The following PLXNA4 variants were observed in gnomAD, a reference collection of about 807,000 sequenced individuals.
PLXNA4 encodes plexin-A4.
PLXNA4 carries 44 observed loss-of-function variants against 191.8 expected under a neutral mutation model. The ratio of observed to expected loss-of-function variants is 0.23; its 90% CI spans 0.18 to 0.29. The LOEUF (loss-of-function observed/expected upper bound fraction) is 0.29. Ranked by LOEUF, PLXNA4 falls within the 10% of genes least tolerant of loss-of-function variation. PLXNA4 has a pLI of 1.00. For synonymous variants in PLXNA4, 1,082 were observed against 1,009.5 expected (o/e 1.07, Z -1.36); for missense variants, 1,800 against 2,488.8 (o/e 0.72, Z 5.89).
At chr7:132,391,317 C>A (rs1260443626) in intron 3 of PLXNA4, among the ~76,000 whole-genome samples, 1 of 152,232 alleles carries the variant, frequency 6.6e-6, no homozygotes, top group South Asian at 2.1e-4. Flanking sequence ...CTTACTCGAT[C>A]TCCCCCATAG....
At chr7:132,488,063 T>C (rs894733798) in intron 3 of PLXNA4, among the ~76,000 whole-genome samples, 4 of 152,222 alleles carry the variant, frequency 2.6e-5, no homozygotes, top group Non-Finnish European at 5.9e-5. Flanking sequence ...TGGTACATCA[T>C]GGACACCATT....
At chr7:132,428,377 T>A (rs1344566992) in intron 3 of PLXNA4, among the ~76,000 whole-genome samples, 1 of 152,102 alleles carries the variant, frequency 6.6e-6, no homozygotes, top group Non-Finnish European at 1.5e-5. Context: ...GGCTCAAGAG[T>A]TGCAATTTTT....
chr7:132,561,025 G>A (rs755893713), intron 1 of PLXNA4, among the ~76,000 whole-genome samples: 1 of 151,996 alleles, frequency 6.6e-6, no homozygotes, highest in African/African-American at 2.4e-5. Context: ...CTCTTCCTTG[G>A]AGATCGCCAA....
In PLXNA4 at chr7:132,206,243, T is replaced by C. The variant is rs1797611701; in HGVS notation, c.2299-2824A>G. Reference sequence around the variant, plus strand: ...TGCTCCGAGCATAGTATCTGTCATATAGTCTAAGCGCTCAAATGTGATTGC... The same window carrying C: ...TGCTCCGAGCATAGTATCTGTCATACAGTCTAAGCGCTCAAATGTGATTGC... On this transcript the variant is annotated intron_variant, in intron 10 of 31. Coordinates refer to ENST00000321063, the MANE Select transcript of PLXNA4 (RefSeq NM_020911.2). 2.0e-5 allele frequency among the ~76,000 whole-genome samples: 3 copies of C among 152,236 alleles called. No individual in the cohort carries two copies. In the South Asian group the frequency reaches 6.2e-4, roughly 31 times the overall value.
chr7:132,198,560 C>T lies in PLXNA4; in HGVS notation c.2663G>A (p.Arg888His), dbSNP rs751969293. 2.6e-5 allele frequency: 42 copies of T among 1,614,112 alleles called. No homozygotes were observed. The highest frequency in any genetic ancestry group is 8.3e-5 in the Admixed American group (5 of 60,012). ...IRGENLGLEF[R>H]DIASHVKVAG... ...AACCTTGACATGGGAGGCGATGTCG[C>T]GAAATTCCAGGCCCAGGTTCTCCCC... The change falls in exon 13 of 32, where the codon CGC (arginine) becomes CAC (histidine). Residue 888 changes from arginine (R) to histidine (H), a missense_variant. This residue lies in a region of PLXNA4 where 1,397 missense variants were observed against 1,880.4 expected (regional missense o/e 0.74). Transcript: ENST00000321063.
At chr7:132,218,137 G>A (rs1399698467) in intron 9 of PLXNA4, among the ~76,000 whole-genome samples, 1 of 152,174 alleles carries the variant, frequency 6.6e-6, no homozygotes, top group African/African-American at 2.4e-5. Context: ...GGCAGCCCAT[G>A]AGCTAGGACT....
chr7:132,459,104 C>T (rs532650075), intron 3 of PLXNA4, among the ~76,000 whole-genome samples: 277 of 152,282 alleles, frequency 1.8e-3, no homozygotes, highest in Middle Eastern at 3.4e-3. Flanking sequence ...TTACAGAGCA[C>T]GACCGAACCA....
chr7:132,596,817 C>T (rs1585394580), intron 2 of PLXNA4, among the ~76,000 whole-genome samples: 1 of 149,592 alleles, frequency 6.7e-6, no homozygotes, highest in East Asian at 2.0e-4. Context: ...GATAAATCAT[C>T]TCATTACATC....
chr7:132,535,565 C>A (rs2116465806), intron 1 of PLXNA4, among the ~76,000 whole-genome samples: 1 of 152,250 alleles, frequency 6.6e-6, no homozygotes, highest in East Asian at 1.9e-4. Flanking sequence ...GTATTCAGGA[C>A]CCTGATTCAT....
At chr7:132,481,197 TAA>T (rs2117477523) in intron 3 of PLXNA4, among the ~76,000 whole-genome samples, 1 of 151,974 alleles carries the variant, frequency 6.6e-6, no homozygotes, top group Admixed American at 6.5e-5. Flanking sequence ...GAAGATGGAT[TAA>T]AGAGGGGAAA....
chr7:132,334,762 C>T (rs541045721), intron 3 of PLXNA4, among the ~76,000 whole-genome samples: 7 of 152,286 alleles, frequency 4.6e-5, no homozygotes, highest in South Asian at 2.1e-4. Flanking sequence ...AGACATGAAA[C>T]GCTCTTCCTT....
At chr7:132,395,088 G>A (rs1793701884) in intron 3 of PLXNA4, among the ~76,000 whole-genome samples, 1 of 152,240 alleles carries the variant, frequency 6.6e-6, no homozygotes, top group Non-Finnish European at 1.5e-5. Flanking sequence ...CACAGCTGCT[G>A]ATAAACAGCT....
At chr7:132,263,894 A>T (rs1799747182) in intron 4 of PLXNA4, among the ~76,000 whole-genome samples, 1 of 152,168 alleles carries the variant, frequency 6.6e-6, no homozygotes, top group Admixed American at 6.5e-5. Flanking sequence ...GCATCATTTC[A>T]TTTGCTACCA....
intron 5 of PLXNA4, among the ~76,000 whole-genome samples, chr7:132,236,848 T>C (rs1798718889): frequency 6.6e-6 from 1 of 152,208 alleles, no homozygotes; most frequent in Non-Finnish European, 1.5e-5. Context: ...TGTACTGAAC[T>C]GCCAGCCCCC....
rs1014082014 is a variant in PLXNA4, at chr7:132,530,318, G to A, written c.-86-21539C>T. Among the ~76,000 whole-genome samples, 5 of 152,174 alleles carry A rather than the reference G, an allele frequency of 3.3e-5. No individual in the cohort carries two copies. In the East Asian group the frequency reaches 5.8e-4, roughly 18 times the overall value. On this transcript the variant is annotated intron_variant, in intron 1 of 31. Coordinates refer to ENST00000321063, the MANE Select transcript of PLXNA4 (RefSeq NM_020911.2). ...CTGTATTTAAAAATAGACCCAAAAG[G>A]TAACAAACATAAAGAGACAACATAT...
At chr7:132,404,783 T>A (rs1424983410) in intron 3 of PLXNA4, among the ~76,000 whole-genome samples, 1 of 152,168 alleles carries the variant, frequency 6.6e-6, no homozygotes, top group East Asian at 1.9e-4. Context: ...GCCAAGCTGG[T>A]GTAGGTTGTG....
At chr7:132,533,957 A>ATTATTATTATTATTAT (rs1171347778) in intron 1 of PLXNA4, among the ~76,000 whole-genome samples, 6 of 151,956 alleles carry the variant, frequency 3.9e-5, no homozygotes, top group African/African-American at 1.5e-4. Context: ...TACTATTATT[A>ATTATTATTATTATTAT]TGTTAACAAG....
chr7:132,208,822 A>T (rs1797709380), intron 10 of PLXNA4, among the ~76,000 whole-genome samples: 1 of 152,148 alleles, frequency 6.6e-6, no homozygotes, highest in African/African-American at 2.4e-5. Flanking sequence ...CAGGTACCCC[A>T]TGGGGACACC....
chr7:132,174,658 T>C, intron 21 of PLXNA4, 120 bp downstream of exon 21: 1 of 1,473,674 alleles, frequency 6.8e-7, no homozygotes, highest in Non-Finnish European at 9.2e-7. Context: ...CTGGGGGACC[T>C]TGGGCAAGTT....
Sources: gnomAD v4.1 joint callset for allele counts (sites outside exome capture counted in the v4.1 genomes callset) on GRCh38, gnomAD v4.1.1 for gene constraint, gnomAD v4.1.1 regional missense constraint, MANE v1.5 for transcripts, NCBI Gene and HGNC (gene_info 2026-07-23, HGNC 2026-07-21) for gene names.